Variants in IRAG1 observed in about 807,000 individuals in gnomAD.
The protein encoded by IRAG1 is inositol 1,4,5-triphosphate receptor associated 1.
A neutral mutation model predicts 106.2 loss-of-function variants in IRAG1; 62 were observed. That is an observed-to-expected ratio of 0.58 (90% CI 0.48 to 0.72). The LOEUF (loss-of-function observed/expected upper bound fraction) is 0.72. Among genes scored for constraint, IRAG1 ranks in the 30% least tolerant of loss-of-function variants. The pLI is 0.00. For missense variants in IRAG1, 1,064 were observed against 1,140.7 expected, an observed-to-expected ratio of 0.93 and a Z score of 0.97; for synonymous variants, 462 against 443.9, an observed-to-expected ratio of 1.04 and a Z score of -0.51.
rs149620181 is a variant in IRAG1 at position 10,629,705 on chromosome 11, G to A, written c.407C>T (p.Ala136Val). Reference sequence around the variant, plus strand: ...ATTCACCAGGTCAATGATGTGCCCCGCGGGGTCTGCAGAAGGAGGATGAGC... The same window carrying A: ...ATTCACCAGGTCAATGATGTGCCCCACGGGGTCTGCAGAAGGAGGATGAGC... ...STASLTSVDPAGHIIDLVNDQ... is the reference protein window; with the variant it reads ...STASLTSVDPVGHIIDLVNDQ... Residue 136 changes from alanine to valine, a missense_variant, in exon 5 of 21, where the codon GCG (alanine) becomes GTG (valine). Physicochemically the swap from Ala to Val is moderately conservative, Grantham distance 64. Transcript: ENST00000423302. 2.0e-4 allele frequency: 324 copies of A among 1,613,044 alleles called. No homozygotes were observed. Among genetic ancestry groups the A allele is most frequent in the Non-Finnish European group, 2.1e-4 (253 of 1,179,480 alleles).
chr11:10,584,934 T>A (rs570451094), intron 18 of IRAG1, among the ~76,000 whole-genome samples: 4 of 152,168 alleles, frequency 2.6e-5, no homozygotes, highest in Non-Finnish European at 4.4e-5. Flanking sequence ...GGGAGCAATC[T>A]GAGCTACCTC....
intron 12 of IRAG1, among the ~76,000 whole-genome samples, chr11:10,604,870 C>G (rs561834711): frequency 1.4e-4 from 21 of 152,288 alleles, no homozygotes; most frequent in African/African-American, 4.3e-4. Context: ...AAACTCAGGC[C>G]AGTACAGCTA....
chr11:10,679,884 T>A (rs750368457), intron 1 of IRAG1, among the ~76,000 whole-genome samples: 4 of 152,200 alleles, frequency 2.6e-5, no homozygotes, highest in African/African-American at 4.8e-5. Flanking sequence ...ATGTGCAGTA[T>A]AAATCTGCAA....
rs1319913259 is a variant in IRAG1, at chr11:10,609,807, T to C, written c.1492A>G (p.Lys498Glu). 6.2e-7 allele frequency: 1 copy of C among 1,613,880 alleles called. No individual in the cohort carries two copies. The highest frequency in any genetic ancestry group is 8.5e-7 in the Non-Finnish European group (1 of 1,179,886). ...LSPAIEEEES[K>E]SGLDVMPNIS... The stretch of plus-strand genomic sequence containing the variant: ...TTAGGCATGACATCTAAGCCACTCT[T>C]TGACTCTTCTTCCTCAATAGCTGGG... Residue 498 changes from lysine to glutamate, a missense_variant, in exon 11 of 21, where the codon AAG becomes GAG. Transcript: ENST00000423302.
chr11:10,624,485 C>A (rs1306532787), intron 9 of IRAG1, among the ~76,000 whole-genome samples: 1 of 152,168 alleles, frequency 6.6e-6, no homozygotes, highest in Non-Finnish European at 1.5e-5. Flanking sequence ...TGGGCTCACA[C>A]CTGCTCTAAG....
At chr11:10,590,913 G>A (rs556645099) in intron 18 of IRAG1, among the ~76,000 whole-genome samples, 27 of 152,244 alleles carry the variant, frequency 1.8e-4, no homozygotes, top group African/African-American at 6.3e-4. Flanking sequence ...CAACCCCAGG[G>A]AATAGTTTAA....
chr11:10,602,884 T>C (rs957338508), intron 14 of IRAG1, among the ~76,000 whole-genome samples: 1 of 152,302 alleles, frequency 6.6e-6, no homozygotes, highest in South Asian at 2.1e-4. Flanking sequence ...GAAAGAAAGA[T>C]AGTATGCAGT....
rs769019874 is a variant in IRAG1, at chr11:10,680,534, AGGAAGGGGAAGGGGAAGG to A, written c.67+12984_67+13001del. ...GAAAAAGAAAGGAAGAAAGGAAGGA[AGGAAGGGGAAGGGGAAGG>A]GGAAGGGGAAGGGGAAGGGAAATCT... is the stretch of plus-strand genomic sequence containing the variant. On this transcript the variant is annotated intron_variant, in intron 1 of 20. Coordinates refer to ENST00000423302, the MANE Select transcript of IRAG1 (RefSeq NM_130385.4). 5.7e-3 allele frequency among the ~76,000 whole-genome samples: 810 copies of A among 141,338 alleles called. 3 individuals carry two copies. Among genetic ancestry groups the A allele is most frequent in the Non-Finnish European group, 8.5e-3 (555 of 65,640 alleles). The allele number at this position is 141,338 out of a possible 152,430, so 92.7% of individuals were successfully genotyped here.
Position 10,665,750 on chromosome 11 carries a change from A to G in IRAG1, c.68-13568T>C, listed in dbSNP as rs1859739895. 6.6e-6 allele frequency among the ~76,000 whole-genome samples: 1 copy of G among 152,198 alleles called. No individual in the cohort carries two copies. The highest frequency in any genetic ancestry group is 2.1e-4 in the South Asian group (1 of 4,832). On this transcript the variant is annotated intron_variant, in intron 1 of 20. Transcript: ENST00000423302. The surrounding 1 kb of genome is among the most constrained non-coding windows in gnomAD (Gnocchi z 4.2). The stretch of plus-strand genomic sequence containing the variant: ...CGACTGAGGCCAGCAGCAGGGTGGG[A>G]GCAGCTGTGGATCTTGGCCAGGGTC...
chr11:10,680,091 T>A (rs1448371376), intron 1 of IRAG1, among the ~76,000 whole-genome samples: 2 of 151,800 alleles, frequency 1.3e-5, no homozygotes, highest in Non-Finnish European at 2.9e-5. Context: ...CTGGCCAACA[T>A]GGTGAAACCT....
intron 1 of IRAG1, among the ~76,000 whole-genome samples, chr11:10,688,301 C>T (rs1383028388): frequency 6.6e-6 from 1 of 152,152 alleles, no homozygotes; most frequent in East Asian, 1.9e-4. Flanking sequence ...TACAAGATGT[C>T]ATCTCCCCAC....
At chr11:10,678,308 G>C (rs1215053819) in intron 1 of IRAG1, among the ~76,000 whole-genome samples, 3 of 152,192 alleles carry the variant, frequency 2.0e-5, no homozygotes, top group African/African-American at 7.2e-5. Context: ...CGCTGAGAGA[G>C]CCCAAGGTTC....
At position 10,578,202 on chromosome 11, in the gene IRAG1, G is replaced by C. The variant is rs57885429; in HGVS notation, c.2496-1627C>G. 8.3e-3 allele frequency among the ~76,000 whole-genome samples: 1,260 copies of C among 152,258 alleles called. 20 individuals carry two copies. Among genetic ancestry groups the C allele is most frequent in the African/African-American group, 0.029 (1,211 of 41,540 alleles). ...AGAATTTCTTTAGAAGTCAATTTTT[G>C]GTTATAATAAGTAAACTTCTGTTTC... is the stretch of plus-strand genomic sequence containing the variant. On this transcript the variant is annotated intron_variant, in intron 20 of 20. Coordinates refer to ENST00000423302, the MANE Select transcript of IRAG1 (RefSeq NM_130385.4).
At chr11:10,660,548 A>G (rs1251834485) in intron 1 of IRAG1, among the ~76,000 whole-genome samples, 1 of 152,284 alleles carries the variant, frequency 6.6e-6, no homozygotes, top group South Asian at 2.1e-4. Flanking sequence ...GAACATTGCC[A>G]GCACACCACT....
rs867539750 is a variant in IRAG1 at position 10,628,602 on chromosome 11, T to C, written c.652+149A>G. 3 of 657,934 alleles carry C rather than the reference T, an allele frequency of 4.6e-6. No homozygotes were observed. The highest frequency in any genetic ancestry group is 3.6e-5 in the Admixed American group (1 of 27,462). The allele number at this position is 657,934 out of a possible 1,614,324, so 40.8% of individuals were successfully genotyped here. On this transcript the variant is annotated intron_variant, in intron 6 of 20. Transcript: ENST00000423302. The surrounding 1 kb of genome is among the most constrained non-coding windows in gnomAD (Gnocchi z 4.1). ...TGGGTGGCCCAGCAAATGCCCCCCC[T>C]GGAGAGGGGTCTTGCTCTGGGTGTG...
intron 18 of IRAG1, among the ~76,000 whole-genome samples, 194 bp from the exon 19 acceptor site, chr11:10,582,180 G>T (rs547595833): frequency 1.3e-5 from 2 of 152,178 alleles, no homozygotes; most frequent in South Asian, 4.2e-4. Flanking sequence ...ATTTTCCCCA[G>T]CCCATTAAAT....
chr11:10,650,739 C>T (rs141082283), intron 2 of IRAG1, among the ~76,000 whole-genome samples: 2 of 152,292 alleles, frequency 1.3e-5, no homozygotes, highest in African/African-American at 4.8e-5. Flanking sequence ...CTTGATAAAA[C>T]CCTGGGCTGG....
chr11:10,576,056 G>A lies in IRAG1; in HGVS notation c.*276C>T. On this transcript the variant is annotated 3_prime_UTR_variant, in exon 21 of 21. Transcript: ENST00000423302. The stretch of plus-strand genomic sequence containing the variant: ...TAGTTCTCCCCAGCCACCTGAGCTA[G>A]GGGCAGGAGACCTTCCCTTCCAATA... The A allele has an allele frequency of 2.3e-6, 1 of 432,874 alleles. No individual in the cohort carries two copies. The highest frequency in any genetic ancestry group is 3.5e-5 in the Admixed American group (1 of 28,800). The allele number at this position is 432,874 out of a possible 1,614,324, so 26.8% of individuals were successfully genotyped here.
intron 12 of IRAG1, among the ~76,000 whole-genome samples, chr11:10,606,540 T>C (rs1854491972): frequency 6.6e-6 from 1 of 152,208 alleles, no homozygotes; most frequent in East Asian, 1.9e-4. Context: ...TGCCCAAATT[T>C]GTCAAAATCT....
Sources: allele counts gnomAD v4.1 joint callset (sites outside exome capture counted in the v4.1 genomes callset), GRCh38; gene constraint gnomAD v4.1.1; non-coding constraint Gnocchi (gnomAD v3.1); transcripts MANE v1.5; gene names NCBI Gene and HGNC (gene_info 2026-07-23, HGNC 2026-07-21).